Variants in ATAD3C observed in about 807,000 individuals in gnomAD.
ATAD3C encodes the protein ATPase family AAA domain containing 3C.
A neutral mutation model predicts 46.3 loss-of-function variants in ATAD3C; 38 were observed. The observed-to-expected ratio is 0.82, with a 90% CI of 0.63 to 1.08. The LOEUF is 1.08. ATAD3C is among the 50% of genes least tolerant of loss of function. ATAD3C has a pLI of 0.00. For synonymous variants in ATAD3C, 220 were observed against 236.4 expected, an observed-to-expected ratio of 0.93 and a Z score of 0.63; for missense variants, 563 against 572.7, an observed-to-expected ratio of 0.98 and a Z score of 0.17.
chr1:1,464,081 C>A (rs572071354), intron 11 of ATAD3C, among the ~76,000 whole-genome samples: 11 of 151,536 alleles, frequency 7.3e-5, no homozygotes, highest in African/African-American at 2.2e-4. Context: ...GTGGTGCATG[C>A]CTGTATTCTC....
At position 1,469,665 on chromosome 1, in the gene ATAD3C, C is replaced by G. The variant is rs574744633; in HGVS notation, c.*1135C>G. 1.3e-5 allele frequency: 2 copies of G among 149,730 alleles called. No homozygotes were observed. The highest frequency in any genetic ancestry group is 2.5e-5 in the African/African-American group (1 of 40,742). 9.3% of individuals were successfully genotyped at this position (149,730 alleles called of 1,614,324 possible). On this transcript the variant is annotated 3_prime_UTR_variant, in exon 12 of 12. Transcript: ENST00000378785. ...TGTTGGGATTACAGGCTTGAGCCAC[C>G]GTGCCTGGTCTGTTTTTTTTTTTTT...
chr1:1,464,437 G>A (rs1001468770), intron 11 of ATAD3C, among the ~76,000 whole-genome samples: 1 of 143,922 alleles, frequency 6.9e-6, no homozygotes, highest in Non-Finnish European at 1.5e-5. Context: ...CGGTGGTGGT[G>A]AGCCAACACG....
intron 11 of ATAD3C, among the ~76,000 whole-genome samples, chr1:1,468,097 A>G (rs996560792): frequency 1.3e-5 from 2 of 151,956 alleles, no homozygotes; most frequent in Non-Finnish European, 2.9e-5. Context: ...TGCCTCTGGG[A>G]AGCTGCCCTG....
In ATAD3C at chr1:1,467,260, A is replaced by G. The variant is rs1409332229; in HGVS notation, c.1090-1124A>G. ...CCTTTCCTCTGCTGGGCCCTGGGTG[A>G]GGTGCAGCCACTCGGGTGGACCCTG... On this transcript the variant is annotated intron_variant, in intron 11 of 11. Coordinates refer to ENST00000378785, the MANE Select transcript of ATAD3C (RefSeq NM_001039211.3). Among the ~76,000 whole-genome samples, 8 of 152,076 alleles carry G rather than the reference A, an allele frequency of 5.3e-5. No individual in the cohort carries two copies. In the South Asian group the frequency reaches 1.0e-3, roughly 20 times the overall value.
chr1:1,469,401 A>C lies in ATAD3C; in HGVS notation c.*871A>C, dbSNP rs777117064. Reference sequence around the variant, plus strand: ...TGGGAGGCAGAGGTTGCAGTGAGCCAAGATCGCACCATTGCACTCCAGCCT... The same window carrying C: ...TGGGAGGCAGAGGTTGCAGTGAGCCCAGATCGCACCATTGCACTCCAGCCT... On this transcript the variant is annotated 3_prime_UTR_variant, in exon 12 of 12. Transcript: ENST00000378785. 3 of 149,750 alleles carry C rather than the reference A, an allele frequency of 2.0e-5. No homozygotes were observed. Among genetic ancestry groups the C allele is most frequent in the Admixed American group, 1.3e-4 (2 of 14,950 alleles). 9.3% of individuals were successfully genotyped at this position (149,750 alleles called of 1,614,324 possible).
rs915597377 is a variant in ATAD3C at position 1,459,060 on chromosome 1, T to C, written c.742-101T>C. ...GTCTAGATCCGTGAAAGTGTCGCCA[T>C]GTCCCTGCTCCCTGCAGGAGGGAGG... On this transcript the variant is annotated intron_variant, in intron 8 of 11. Coordinates refer to ENST00000378785, the MANE Select transcript of ATAD3C (RefSeq NM_001039211.3). This position sits in a 1 kb window ranked among gnomAD's most constrained non-coding sequence, Gnocchi z 4.9. The C allele has an allele frequency of 1.5e-5, 24 of 1,563,704 alleles. No homozygotes were observed. The highest frequency in any genetic ancestry group is 2.1e-4 in the Middle Eastern group (1 of 4,772).
chr1:1,464,449 C>A (rs530209103), intron 11 of ATAD3C, among the ~76,000 whole-genome samples: 1 of 151,866 alleles, frequency 6.6e-6, no homozygotes, highest in South Asian at 2.1e-4. Context: ...GCCAACACGC[C>A]CAGCACCAAC....
At chr1:1,452,254 CCT>C in intron 2 of ATAD3C, 109 bp from the exon 3 acceptor site, 1 of 1,587,856 alleles carries the variant, frequency 6.3e-7, no homozygotes, top group Non-Finnish European at 8.6e-7. Flanking sequence ...ACACTGCCCC[CCT>C]GTCCTGGCAG....
intron 11 of ATAD3C, among the ~76,000 whole-genome samples, chr1:1,468,111 C>T (rs1461504641): frequency 3.1e-4 from 47 of 152,046 alleles, no homozygotes; most frequent in Admixed American, 2.6e-3. Flanking sequence ...TGCCCTGGGT[C>T]GGCCGTCAGT....
chr1:1,468,665 A>G lies in ATAD3C; in HGVS notation c.*135A>G, dbSNP rs1404008951. 2.6e-6 allele frequency: 4 copies of G among 1,538,984 alleles called. No homozygotes were observed. The highest frequency in any genetic ancestry group is 1.2e-5 in the South Asian group (1 of 84,094). The stretch of plus-strand genomic sequence containing the variant: ...GCCGCACCGCTGTGTCTATTGGCTG[A>G]CACGGGGCGGGGTTTGGGGCCCCCT... On this transcript the variant is annotated 3_prime_UTR_variant, in exon 12 of 12. Coordinates refer to ENST00000378785, the MANE Select transcript of ATAD3C (RefSeq NM_001039211.3).
intron 8 of ATAD3C, among the ~76,000 whole-genome samples, chr1:1,458,572 G>A (rs1350009374): frequency 2.0e-5 from 3 of 151,440 alleles, no homozygotes; most frequent in East Asian, 2.0e-4. Context: ...GAGCCACCGC[G>A]CCAGGCCCCA....
rs1189111821 is a variant in ATAD3C at position 1,469,550 on chromosome 1, T to C, written c.*1020T>C. ...CTCATTTGGTTTTTCTCCTCTCTTA[T>C]TTTTTTGGGTAGAGACAGGGTCCCT... On this transcript the variant is annotated 3_prime_UTR_variant, in exon 12 of 12. Coordinates refer to ENST00000378785, the MANE Select transcript of ATAD3C (RefSeq NM_001039211.3). The C allele has an allele frequency of 6.6e-6, 1 of 151,826 alleles. No individual in the cohort carries two copies. Among genetic ancestry groups the C allele is most frequent in the African/African-American group, 2.4e-5 (1 of 41,328 alleles). The allele number at this position is 151,826 out of a possible 1,614,324, so 9.4% of individuals were successfully genotyped here. A position where few individuals can be genotyped will look rare whatever the true frequency, so the allele number is the denominator to read the frequency against.
rs1437595346 is a variant in ATAD3C, at chr1:1,469,226, C to A, written c.*696C>A. On this transcript the variant is annotated 3_prime_UTR_variant, in exon 12 of 12. Transcript: ENST00000378785. ...ACTTGAGCCCGGGAAGTGGAGGTTG[C>A]ACTGAGCTGAGACCATGGAATTGCA... 1 of 143,870 alleles carries A rather than the reference C, an allele frequency of 7.0e-6. No individual in the cohort carries two copies. Among genetic ancestry groups the A allele is most frequent in the African/African-American group, 2.6e-5 (1 of 38,238 alleles). The allele number at this position is 143,870 out of a possible 1,614,324, so 8.9% of individuals were successfully genotyped here.
rs193121160 is a variant in ATAD3C, at chr1:1,467,537, T to C, written c.1090-847T>C. Among the ~76,000 whole-genome samples the C allele has an allele frequency of 1.5e-3, 230 of 152,060 alleles. 6 individuals are homozygous for C. Among genetic ancestry groups the C allele is most frequent in the Admixed American group, 5.2e-3 (79 of 15,252 alleles). On this transcript the variant is annotated intron_variant, in intron 11 of 11. Transcript: ENST00000378785. ...ATCCCCATGGCAGGTTCTATCGTGG[T>C]GACGGTGTTGTGGGAGGATGGTGTG... is the stretch of plus-strand genomic sequence containing the variant.
chr1:1,457,094 A>G (rs757726326), intron 7 of ATAD3C, 35 bp from the exon 8 acceptor site: 2 of 1,611,488 alleles, frequency 1.2e-6, no homozygotes, highest in South Asian at 1.1e-5. Context: ...TCCTGGCATC[A>G]CTCTCACCCA....
chr1:1,454,693 CT>C (rs1198716270), intron 4 of ATAD3C, among the ~76,000 whole-genome samples, 193 bp downstream of exon 4: 1 of 151,770 alleles, frequency 6.6e-6, no homozygotes, highest in Admixed American at 6.6e-5. Flanking sequence ...GACCCTTCCC[CT>C]GTCTGCCTCG....
At chr1:1,452,176 G>A in intron 2 of ATAD3C, 54 bp downstream of exon 2, 2 of 1,603,274 alleles carry the variant, frequency 1.2e-6, no homozygotes, top group Non-Finnish European at 1.7e-6. Flanking sequence ...ACAGGTGTGA[G>A]TCGCTGGTCC....
rs192952000 is a variant in ATAD3C, at chr1:1,458,472, G to A, written c.742-689G>A. Among the ~76,000 whole-genome samples the A allele has an allele frequency of 6.7e-4, 102 of 151,622 alleles. 1 individual carries two copies. Among genetic ancestry groups the A allele is most frequent in the African/African-American group, 2.4e-3 (98 of 41,336 alleles). On this transcript the variant is annotated intron_variant, in intron 8 of 11. Transcript: ENST00000378785. The stretch of plus-strand genomic sequence containing the variant: ...TCTTTTTTTTTTTACTAGAGACTGG[G>A]TTTCTCCATGCCGGTCAGGCTAGTC...
rs2489827 is a variant in ATAD3C, at chr1:1,450,779, C to T, written c.75+21C>T. The T allele has an allele frequency of 8.6e-4, 1,392 of 1,611,414 alleles. 21 individuals carry two copies. The highest frequency in any genetic ancestry group is 1.1e-3 in the Non-Finnish European group (1,251 of 1,179,204). The stretch of plus-strand genomic sequence containing the variant: ...TCAAAGTGAGTGGGGCCGGTGTGGG[C>T]GGGGAGGCCGGGGCACACATGGGGT... On this transcript the variant is annotated intron_variant, in intron 1 of 11. Coordinates refer to ENST00000378785, the MANE Select transcript of ATAD3C (RefSeq NM_001039211.3).
Sources: allele counts gnomAD v4.1 joint callset (sites outside exome capture counted in the v4.1 genomes callset), GRCh38; gene constraint gnomAD v4.1.1; non-coding constraint Gnocchi (gnomAD v3.1); transcripts MANE v1.5; gene names NCBI Gene and HGNC (gene_info 2026-07-23, HGNC 2026-07-21).